Variants in PCDH11X observed in about 807,000 individuals in gnomAD.
PCDH11X encodes protocadherin 11 X-linked.
In PCDH11X, 18 loss-of-function variants were observed where a neutral mutation model predicts 53.3. The ratio of observed to expected loss-of-function variants is 0.34; its 90% confidence interval spans 0.23 to 0.50. PCDH11X has a LOEUF of 0.50. PCDH11X is among the 20% of genes least tolerant of loss of function. The probability of loss-of-function intolerance (pLI) is 0.98; values close to 1 mark genes in which losing one functional copy is unlikely to be tolerated. For missense variants in PCDH11X, 570 were observed against 1,032.4 expected (o/e 0.55, Z 6.14); for synonymous variants, 279 against 393.3 (o/e 0.71, Z 3.44).
intron 10 of PCDH11X, among the ~76,000 whole-genome samples, chrX:92,531,625 A>G (rs763698322): frequency 1.3e-4 from 14 of 107,188 alleles, no homozygotes; most frequent in African/African-American, 3.7e-4. Flanking sequence ...AAAAAAAATG[A>G]CAATATTTGA....
At chrX:92,297,138 G>T (rs999961496) in intron 8 of PCDH11X, among the ~76,000 whole-genome samples, 4 of 106,989 alleles carry the variant, frequency 3.7e-5, no homozygotes, top group Non-Finnish European at 7.7e-5. Context: ...CTATGCAGAA[G>T]CTCTTTAGTT....
intron 7 of PCDH11X, among the ~76,000 whole-genome samples, chrX:92,253,952 G>A (rs894745997): frequency 8.9e-6 from 1 of 111,771 alleles, no homozygotes; most frequent in Non-Finnish European, 1.9e-5. Context: ...GATTGCTCTA[G>A]CTAGGACTTC....
At chrX:92,188,426 G>A (rs1569413314) in intron 6 of PCDH11X, among the ~76,000 whole-genome samples, 1 of 111,479 alleles carries the variant, frequency 9.0e-6, no homozygotes, top group African/African-American at 3.3e-5. Context: ...TGTATTTGAT[G>A]TAATAGTAGG....
chrX:92,316,232 T>C (rs185184841), intron 8 of PCDH11X, among the ~76,000 whole-genome samples: 2 of 109,408 alleles, frequency 1.8e-5, no homozygotes, highest in Admixed American at 2.0e-4. Flanking sequence ...AAACAATATA[T>C]TTAATGTTTT....
intron 6 of PCDH11X, among the ~76,000 whole-genome samples, chrX:91,958,143 A>G (rs2061735093): frequency 9.0e-6 from 1 of 111,177 alleles, no homozygotes; most frequent in South Asian, 3.8e-4. Context: ...AGCTGAGTCT[A>G]CCAAACCACA....
At chrX:92,552,270 G>A (rs1315929564) in intron 10 of PCDH11X, among the ~76,000 whole-genome samples, 2 of 101,404 alleles carry the variant, frequency 2.0e-5, no homozygotes, top group Non-Finnish European at 4.1e-5. Flanking sequence ...CTCACTTTTG[G>A]TTAATTCCTA....
rs2062465535 is a variant in PCDH11X at position 91,998,992 on chromosome X, C to T, written c.3033+119719C>T. Reference sequence around the variant, plus strand: ...GCAATGATGCAAACACGGCTCACTGCTGCCTCAACCTCCCCGGCTCAAAGG... The same window carrying T: ...GCAATGATGCAAACACGGCTCACTGTTGCCTCAACCTCCCCGGCTCAAAGG... On this transcript the variant is annotated intron_variant, in intron 6 of 10. Transcript: ENST00000682573. Among the ~76,000 whole-genome samples, 3 of 110,193 alleles carry T rather than the reference C, an allele frequency of 2.7e-5. No individual in the cohort carries two copies. In the South Asian group the frequency reaches 1.2e-3, roughly 43 times the overall value.
rs147493192 is a variant in PCDH11X at position 92,263,139 on chromosome X, G to A, written c.3140G>A (p.Gly1047Glu). The A allele has an allele frequency of 0.023, 26,912 of 1,179,487 alleles. 262 individuals carry two copies. The highest frequency in any genetic ancestry group is 0.027 in the Non-Finnish European group (23,648 of 876,053). ...PQRKSEGKVAGKSQRRVTFHL... is the reference protein window; with the variant it reads ...PQRKSEGKVAEKSQRRVTFHL... ...CGGAAATCTGAAGGGAAAGTGGCAG[G>A]AAAGGTAAGACTGCAAATTTCAAAG... Residue 1047 changes from glycine to glutamate, a missense_variant, in exon 8 of 11, where the codon GGA (glycine) becomes GAA (glutamate). By Grantham distance (98) the Gly-to-Glu change is moderately conservative. Coordinates refer to ENST00000682573, the MANE Select transcript of PCDH11X (RefSeq NM_032968.5).
intron 6 of PCDH11X, among the ~76,000 whole-genome samples, chrX:91,944,023 T>TGTGTGTGTGTG (rs2061540703): frequency 1.6e-5 from 1 of 63,949 alleles, no homozygotes; most frequent in East Asian, 9.2e-4. Flanking sequence ...ATCTCCTGGA[T>TGTGTGTGTGTG]TGTGTGTGTG....
chrX:92,533,372 CTGAGGA>C (rs2074596093), intron 10 of PCDH11X, among the ~76,000 whole-genome samples: 1 of 107,705 alleles, frequency 9.3e-6, no homozygotes, highest in Non-Finnish European at 1.9e-5. Context: ...ATCAAGAAAG[CTGAGGA>C]TGTTACAGAT....
intron 6 of PCDH11X, among the ~76,000 whole-genome samples, chrX:92,148,053 C>T (rs866432851): frequency 2.0e-5 from 1 of 49,257 alleles, no homozygotes. Context: ...TTCCTTCCTT[C>T]CTTCCTTTCT....
intron 9 of PCDH11X, among the ~76,000 whole-genome samples, chrX:92,449,053 C>T (rs1007757262): frequency 2.7e-5 from 3 of 111,649 alleles, no homozygotes; most frequent in African/African-American, 9.8e-5. Flanking sequence ...GTCATTACTT[C>T]GATTTACCAA....
intron 6 of PCDH11X, among the ~76,000 whole-genome samples, chrX:92,195,399 C>T (rs764339216): frequency 9.0e-6 from 1 of 111,651 alleles, no homozygotes; most frequent in South Asian, 3.7e-4. Flanking sequence ...TTGCTTTTGG[C>T]AAAACCCTTG....
chrX:91,816,949 G>T (rs1164975228), intron 4 of PCDH11X, among the ~76,000 whole-genome samples: 2 of 104,618 alleles, frequency 1.9e-5, no homozygotes, highest in African/African-American at 3.5e-5. Context: ...TTTCTATCAT[G>T]CATCATATTC....
chrX:91,877,779 C>T lies in PCDH11X; in HGVS notation c.1539C>T (p.Phe513=), dbSNP rs1939691450. Reference sequence around the variant, plus strand: ...TAGGCCCTGATGCTCCACCTGAATTCAGCCTGGATTGTCGTACAGGCATGC... The same window carrying T: ...TAGGCCCTGATGCTCCACCTGAATTTAGCCTGGATTGTCGTACAGGCATGC... ...YLLGPDAPPE[F]SLDCRTGMLT... The change falls in exon 6 of 11, where the codon TTC becomes TTT. Residue 513 remains phenylalanine (F), a synonymous_variant. Transcript: ENST00000682573. 3.3e-6 allele frequency: 4 copies of T among 1,209,802 alleles called. No individual in the cohort carries two copies. The Admixed American group carries it at 6.6e-5, about 20-fold the overall frequency.
intron 8 of PCDH11X, among the ~76,000 whole-genome samples, chrX:92,288,169 A>G (rs1377302150): frequency 9.0e-6 from 1 of 111,133 alleles, no homozygotes; most frequent in Non-Finnish European, 1.9e-5. Context: ...ATGTATCACT[A>G]TGGAAATGCA....
At chrX:92,057,099 C>T (rs1334798943) in intron 6 of PCDH11X, among the ~76,000 whole-genome samples, 1 of 107,649 alleles carries the variant, frequency 9.3e-6, no homozygotes, top group Non-Finnish European at 1.9e-5. Flanking sequence ...AGAAGGGAAA[C>T]GTAATAGCCT....
chrX:92,469,853 GT>G (rs149166414), intron 10 of PCDH11X, among the ~76,000 whole-genome samples: 11 of 107,523 alleles, frequency 1.0e-4, no homozygotes, highest in Non-Finnish European at 1.5e-4. Flanking sequence ...CTCCAGTGTA[GT>G]TTTTTTTTGC....
At chrX:92,063,562 C>A (rs2063557787) in intron 6 of PCDH11X, among the ~76,000 whole-genome samples, 1 of 111,229 alleles carries the variant, frequency 9.0e-6, no homozygotes, top group African/African-American at 3.3e-5. Flanking sequence ...TCATTTTAGC[C>A]ATATCAGCCT....
Sources: allele counts gnomAD v4.1 joint callset (sites outside exome capture counted in the v4.1 genomes callset), GRCh38; gene constraint gnomAD v4.1.1; transcripts MANE v1.5; gene names NCBI Gene and HGNC (gene_info 2026-07-23, HGNC 2026-07-21).